ZFAND4: variants seen among roughly 807,000 people sequenced by gnomAD.
The protein encoded by ZFAND4 is AN1-type zinc finger protein 4.
ZFAND4 carries 43 observed loss-of-function variants against 64.4 expected under a neutral mutation model. The ratio of observed to expected loss-of-function variants is 0.67; its 90% CI spans 0.52 to 0.86. The LOEUF (loss-of-function observed/expected upper bound fraction) is 0.86. Ranked by LOEUF, ZFAND4 falls within the 40% of genes least tolerant of loss-of-function variation. The pLI is 0.00. For synonymous variants in ZFAND4, 296 were observed against 305.7 expected (o/e 0.97, Z 0.33); for missense variants, 929 against 859.8 (o/e 1.08, Z -1.01).
Position 45,648,150 on chromosome 10 carries a change from A to C in ZFAND4, c.569+144T>G. On this transcript the variant is annotated intron_variant, in intron 5 of 9. Coordinates refer to ENST00000344646, the MANE Select transcript of ZFAND4 (RefSeq NM_174890.4). The stretch of plus-strand genomic sequence containing the variant: ...TTATGAAAACATCCCACTCTAAAAA[A>C]ACCTCAGTTTTATCATATCAATTAT... 7 of 776,344 alleles carry C rather than the reference A, an allele frequency of 9.0e-6. 1 individual carries two copies. The highest frequency in any genetic ancestry group is 3.8e-5 in the Admixed American group (1 of 26,562). The allele number at this position is 776,344 out of a possible 1,614,324, so 48.1% of individuals were successfully genotyped here.
intron 2 of ZFAND4, among the ~76,000 whole-genome samples, chr10:45,660,807 T>C (rs2048422800): frequency 6.6e-6 from 1 of 152,180 alleles, no homozygotes; most frequent in Non-Finnish European, 1.5e-5. Flanking sequence ...CTTAGAATTC[T>C]ATACCCTGAA....
rs201853061 is a variant in ZFAND4 at position 45,639,868 on chromosome 10, T to C, written c.665A>G (p.Asn222Ser). 1 of 1,613,474 alleles carries C rather than the reference T, an allele frequency of 6.2e-7. No homozygotes were observed. Among genetic ancestry groups the C allele is most frequent in the Middle Eastern group, 1.7e-4 (1 of 6,054 alleles). The change falls in exon 6 of 10, where the codon AAT becomes AGT. Residue 222 changes from asparagine (N) to serine (S), a missense_variant. Asn to Ser is a conservative substitution (Grantham distance 46). Coordinates refer to ENST00000344646, the MANE Select transcript of ZFAND4 (RefSeq NM_174890.4). ...CTTAGCCTTCAGCAGCTTCATCTTATTCATAGTTATTGAATTTTCAATTAT... is the reference window on the plus strand; with the variant it reads ...CTTAGCCTTCAGCAGCTTCATCTTACTCATAGTTATTGAATTTTCAATTAT... ...QQIIENSITMNKMKLLKAKMK... is the reference protein window; with the variant it reads ...QQIIENSITMSKMKLLKAKMK...
chr10:45,648,169 C>G, intron 5 of ZFAND4, 125 bp downstream of exon 5: 1 of 957,684 alleles, frequency 1.0e-6, no homozygotes, highest in South Asian at 2.2e-5. Flanking sequence ...TTTATCATAT[C>G]AATTATACGA....
intron 8 of ZFAND4, 44 bp from the exon 9 acceptor site, chr10:45,618,304 C>A: frequency 1.3e-6 from 2 of 1,595,212 alleles, no homozygotes; most frequent in South Asian, 1.1e-5. Flanking sequence ...GCATAAAATC[C>A]TAAACATGAA....
At position 45,625,964 on chromosome 10, in the gene ZFAND4, G is replaced by GT; in HGVS notation, c.1858dup (p.Thr620AsnfsTer16). ...GAAAATACTGACCAAAAAAACTCCT[G>GT]TATGTTCTAACTGGGGAGAACTTTT... On this transcript the variant is annotated frameshift_variant, in exon 7 of 10. Transcript: ENST00000344646. LOFTEE classifies it high-confidence loss of function. 1 of 1,613,826 alleles carries GT rather than the reference G, an allele frequency of 6.2e-7. No homozygotes were observed. The highest frequency in any genetic ancestry group is 2.2e-5 in the East Asian group (1 of 44,878).
rs142925485 is a variant in ZFAND4, at chr10:45,670,491, C to T, written c.-118+1759G>A. ...TCAACCTCAGGTGATCCGCCTGCCT[C>T]GGCCTCCCAAAGTGCTGGGATTACA... On this transcript the variant is annotated intron_variant, in intron 1 of 9. Coordinates refer to ENST00000344646, the MANE Select transcript of ZFAND4 (RefSeq NM_174890.4). Among the ~76,000 whole-genome samples the T allele has an allele frequency of 2.2e-3, 334 of 152,330 alleles. 2 individuals are homozygous for T. The highest frequency in any genetic ancestry group is 7.6e-3 in the African/African-American group (314 of 41,586).
intron 5 of ZFAND4, among the ~76,000 whole-genome samples, chr10:45,647,211 T>C (rs567585646): frequency 1.3e-5 from 2 of 152,256 alleles, no homozygotes; most frequent in South Asian, 2.1e-4. Context: ...CTCTAGTCAA[T>C]AGCCAGCAAA....
intron 4 of ZFAND4, chr10:45,650,842 CAATTACCTA>C (rs1448492397): frequency 1.3e-5 from 2 of 152,072 alleles, no homozygotes; most frequent in African/African-American, 4.8e-5. Context: ...TCACATAGGA[CAATTACCTA>C]AATCCAATTA....
chr10:45,647,904 T>C (rs1223625463), intron 5 of ZFAND4, among the ~76,000 whole-genome samples: 1 of 152,206 alleles, frequency 6.6e-6, no homozygotes, highest in African/African-American at 2.4e-5. Flanking sequence ...TTTTAGAATA[T>C]TACAATTTAT....
chr10:45,649,189 C>T (rs2047597878), intron 4 of ZFAND4, among the ~76,000 whole-genome samples: 1 of 149,828 alleles, frequency 6.7e-6, no homozygotes, highest in African/African-American at 2.5e-5. Context: ...CACACACACA[C>T]AATTAGGAGA....
At chr10:45,630,224 T>C (rs1488301488) in intron 6 of ZFAND4, among the ~76,000 whole-genome samples, 1 of 152,144 alleles carries the variant, frequency 6.6e-6, no homozygotes, top group Non-Finnish European at 1.5e-5. Flanking sequence ...ATTAAGTATC[T>C]TTTAGTATTT....
At chr10:45,652,108 T>G in intron 3 of ZFAND4, 75 bp from the exon 4 acceptor site, 1 of 1,457,758 alleles carries the variant, frequency 6.9e-7, no homozygotes, top group Non-Finnish European at 9.6e-7. Flanking sequence ...AATTATGTGC[T>G]GGCTTATCAG....
intron 5 of ZFAND4, among the ~76,000 whole-genome samples, chr10:45,647,297 TC>T (rs954272120): frequency 2.0e-5 from 3 of 152,038 alleles, no homozygotes; most frequent in African/African-American, 7.2e-5. Context: ...AAGTAGATTC[TC>T]CTCCCCAGTC....
intron 2 of ZFAND4, among the ~76,000 whole-genome samples, chr10:45,654,638 T>C (rs1045380365): frequency 6.6e-6 from 1 of 150,990 alleles, no homozygotes; most frequent in Non-Finnish European, 1.5e-5. Flanking sequence ...AAAGATATCA[T>C]GAATCAGGCC....
At chr10:45,624,800 C>T (rs2045679753) in intron 7 of ZFAND4, among the ~76,000 whole-genome samples, 163 bp from the exon 8 acceptor site, 1 of 152,168 alleles carries the variant, frequency 6.6e-6, no homozygotes, top group Admixed American at 6.5e-5. Context: ...GAACCTGATT[C>T]CACATCTAGC....
chr10:45,665,548 GA>G (rs1055621013), intron 1 of ZFAND4, among the ~76,000 whole-genome samples: 1 of 149,104 alleles, frequency 6.7e-6, no homozygotes, highest in African/African-American at 2.5e-5. Flanking sequence ...CATTAAATAA[GA>G]AAAAAAAAGC....
At chr10:45,621,130 T>C (rs756071467) in intron 8 of ZFAND4, among the ~76,000 whole-genome samples, 2 of 152,196 alleles carry the variant, frequency 1.3e-5, no homozygotes, top group African/African-American at 2.4e-5. Context: ...GCAAGGCTGG[T>C]AGTCGTCTGC....
At chr10:45,619,465 A>C (rs2045254774) in intron 8 of ZFAND4, among the ~76,000 whole-genome samples, 1 of 152,176 alleles carries the variant, frequency 6.6e-6, no homozygotes. Context: ...TAACAGTACA[A>C]ATACACATGT....
At chr10:45,665,500 C>T (rs937197213) in intron 1 of ZFAND4, among the ~76,000 whole-genome samples, 7 of 152,040 alleles carry the variant, frequency 4.6e-5, no homozygotes, top group Non-Finnish European at 8.8e-5. Context: ...AAGATTGCAC[C>T]ACTGCACTCC....
Sources: allele counts gnomAD v4.1 joint callset (sites outside exome capture counted in the v4.1 genomes callset), GRCh38; gene constraint gnomAD v4.1.1; transcripts MANE v1.5; gene names NCBI Gene and HGNC (gene_info 2026-07-23, HGNC 2026-07-21).